Variants in NOL4L observed in about 807,000 individuals in gnomAD.
The protein encoded by NOL4L is nucleolar protein 4 like, also known as nucleolar protein 4-like.
A neutral mutation model predicts 64.5 loss-of-function variants in NOL4L; 7 were observed. The ratio of observed to expected loss-of-function variants is 0.11; its 90% CI spans 0.06 to 0.20. The LOEUF (loss-of-function observed/expected upper bound fraction) is 0.20, where lower values mean the gene tolerates loss of function less well. Ranked by LOEUF, NOL4L falls within the 10% of genes least tolerant of loss-of-function variation. The pLI, the probability that NOL4L is intolerant of heterozygous loss-of-function variation, is 1.00. For synonymous variants in NOL4L, 413 were observed against 401.0 expected (o/e 1.03, Z -0.36); for missense variants, 680 against 967.1 (o/e 0.70, Z 3.94).
intron 3 of NOL4L, among the ~76,000 whole-genome samples, chr20:32,514,486 G>A (rs1209387872): frequency 2.6e-5 from 4 of 151,014 alleles, no homozygotes; most frequent in Non-Finnish European, 4.4e-5. Flanking sequence ...GCAAGACTCC[G>A]TCCCAAGGAA....
At chr20:32,543,057 A>T (rs964104133) in intron 1 of NOL4L, among the ~76,000 whole-genome samples, 4 of 152,096 alleles carry the variant, frequency 2.6e-5, no homozygotes, top group African/African-American at 9.7e-5. Context: ...GATCATTACC[A>T]TGTCGAGTGT....
intron 3 of NOL4L, among the ~76,000 whole-genome samples, chr20:32,517,147 T>C (rs910889): frequency 0.3 from 46,149 of 151,862 alleles, 8,086 homozygotes; most frequent in East Asian, 0.77. Context: ...GCTGTCCAGG[T>C]CCCCCCCACT....
intron 1 of NOL4L, among the ~76,000 whole-genome samples, chr20:32,578,792 T>C (rs1980290906): frequency 6.6e-6 from 1 of 152,164 alleles, no homozygotes; most frequent in Non-Finnish European, 1.5e-5. Context: ...ATTAAACAGT[T>C]GAGTTAGGAC....
At chr20:32,577,898 G>A (rs1980213431) in intron 1 of NOL4L, among the ~76,000 whole-genome samples, 1 of 151,956 alleles carries the variant, frequency 6.6e-6, no homozygotes, top group South Asian at 2.1e-4. Flanking sequence ...TTTTCCAGAT[G>A]AGGAATATTG....
Position 32,452,222 on chromosome 20 carries a change from C to G in NOL4L, c.1822+14G>C. ...CTGGTCGGGAAGCCAGAGCCCAGGC[C>G]TCCCCCGACTCACCATTACTGTGGT... On this transcript the variant is annotated intron_variant, in intron 10 of 10. Transcript: ENST00000621426. The G allele has an allele frequency of 6.6e-7, 1 of 1,512,120 alleles. No homozygotes were observed. Among genetic ancestry groups the G allele is most frequent in the Non-Finnish European group, 8.9e-7 (1 of 1,125,190 alleles). The allele number at this position is 1,512,120 out of a possible 1,614,324, so 93.7% of individuals were successfully genotyped here. A position where few individuals can be genotyped will look rare whatever the true frequency, so the allele number is the denominator to read the frequency against.
At chr20:32,570,311 C>G (rs922632512) in intron 1 of NOL4L, among the ~76,000 whole-genome samples, 1 of 152,164 alleles carries the variant, frequency 6.6e-6, no homozygotes, top group Non-Finnish European at 1.5e-5. Flanking sequence ...TGATGAACAA[C>G]CCCAATCCTC....
chr20:32,500,784 A>G (rs1378576717), intron 4 of NOL4L, among the ~76,000 whole-genome samples: 5 of 152,186 alleles, frequency 3.3e-5, no homozygotes, highest in African/African-American at 1.2e-4. Context: ...CCAATGAGGT[A>G]TGGCAAAAGA....
rs1417829777 is a variant in NOL4L at position 32,558,830 on chromosome 20, C to T, written c.321+25740G>A. Among the ~76,000 whole-genome samples the T allele has an allele frequency of 2.0e-4, 31 of 152,256 alleles. 1 individual carries two copies. Among genetic ancestry groups the T allele is most frequent in the Middle Eastern group, 3.4e-3 (1 of 294 alleles). ...AACTGATGATGTGTGATTTACGTTT[C>T]GGAAGATCGCTCTGGCTGCTGGATG... On this transcript the variant is annotated intron_variant, in intron 1 of 10. Transcript: ENST00000621426.
chr20:32,542,376 C>G (rs936075155), intron 1 of NOL4L, among the ~76,000 whole-genome samples: 1 of 152,146 alleles, frequency 6.6e-6, no homozygotes, highest in Non-Finnish European at 1.5e-5. Flanking sequence ...TTTTTTGAGA[C>G]AGGGTCTCGC....
chr20:32,453,118 C>T lies in NOL4L; in HGVS notation c.1498-112G>A, dbSNP rs971533437. The T allele has an allele frequency of 1.3e-4, 194 of 1,501,020 alleles. No individual in the cohort carries two copies. Among genetic ancestry groups the T allele is most frequent in the Non-Finnish European group, 1.6e-4 (175 of 1,105,130 alleles). The allele number at this position is 1,501,020 out of a possible 1,614,324, so 93.0% of individuals were successfully genotyped here. ...CAGGGTGGGGTTTGGGCTCCAGCGC[C>T]TCAGTCTATGGAGCTGTGTGATCTT... On this transcript the variant is annotated intron_variant, in intron 8 of 10. Coordinates refer to ENST00000621426, the MANE Select transcript of NOL4L (RefSeq NM_001256798.2). The surrounding 1 kb of genome is among the most constrained non-coding windows in gnomAD (Gnocchi z 5.6).
At chr20:32,473,704 C>T (rs1021055902) in intron 5 of NOL4L, among the ~76,000 whole-genome samples, 33 of 152,178 alleles carry the variant, frequency 2.2e-4, no homozygotes, top group African/African-American at 7.7e-4. Context: ...TCACAGAGTT[C>T]ACATTACACC....
intron 4 of NOL4L, among the ~76,000 whole-genome samples, chr20:32,476,825 C>T (rs1057178827): frequency 6.6e-6 from 1 of 152,228 alleles, no homozygotes; most frequent in African/African-American, 2.4e-5. Context: ...GACCTGTTTG[C>T]CAGGGCAGCC....
chr20:32,581,075 C>T (rs989733542), intron 1 of NOL4L, among the ~76,000 whole-genome samples: 6 of 152,218 alleles, frequency 3.9e-5, no homozygotes, highest in Non-Finnish European at 7.3e-5. Flanking sequence ...AGGCTTCACC[C>T]GGCCAGGAGG....
intron 4 of NOL4L, among the ~76,000 whole-genome samples, chr20:32,492,691 C>T (rs528139266): frequency 2.0e-5 from 3 of 152,294 alleles, no homozygotes; most frequent in East Asian, 3.9e-4. Flanking sequence ...CTGTGCTGGG[C>T]AGTGTGTATG....
In NOL4L at chr20:32,573,326, T is replaced by A. The variant is rs142141334; in HGVS notation, c.321+11244A>T. On this transcript the variant is annotated intron_variant, in intron 1 of 10. Transcript: ENST00000621426. ...AATACTGTGCCTGGCCTGGGTCCAT[T>A]TTACAGATGAGAAAACTGTGGCTCA... Among the ~76,000 whole-genome samples the A allele has an allele frequency of 1.6e-3, 240 of 152,242 alleles. 1 individual carries two copies. Among genetic ancestry groups the A allele is most frequent in the East Asian group, 5.6e-3 (29 of 5,186 alleles).
chr20:32,525,461 G>C (rs1476354925), intron 2 of NOL4L, among the ~76,000 whole-genome samples: 1 of 152,240 alleles, frequency 6.6e-6, no homozygotes, highest in Non-Finnish European at 1.5e-5. Flanking sequence ...GGCAGGTTAT[G>C]TGTTTCTCTG....
chr20:32,543,100 AG>A (rs1258012969), intron 1 of NOL4L, among the ~76,000 whole-genome samples: 1 of 152,176 alleles, frequency 6.6e-6, no homozygotes, highest in Non-Finnish European at 1.5e-5. Context: ...GCTCGCGGGA[AG>A]CCACCACGGA....
intron 4 of NOL4L, among the ~76,000 whole-genome samples, chr20:32,501,825 C>T (rs2016933616): frequency 6.6e-6 from 1 of 152,044 alleles, no homozygotes; most frequent in Admixed American, 6.6e-5. Flanking sequence ...ACAACACACA[C>T]AGCATAGGCA....
chr20:32,453,361 C>T lies in NOL4L; in HGVS notation c.1440G>A (p.Lys480=). 1.2e-6 allele frequency: 2 copies of T among 1,614,114 alleles called. No homozygotes were observed. Among genetic ancestry groups the T allele is most frequent in the African/African-American group, 2.7e-5 (2 of 75,040 alleles). ...AGGACTTGAGGTACGTGCGGATGCG[C>T]TTGCGGGCCCGCTCCTGGAACTCAG... is the stretch of plus-strand genomic sequence containing the variant. ...QFPEFQERAR[K]RIRTYLKSCR... The change falls in exon 8 of 11, where the codon AAG becomes AAA. Residue 480 remains lysine (K), a synonymous_variant. Transcript: ENST00000621426. This position sits in a 1 kb window ranked among gnomAD's most constrained non-coding sequence, Gnocchi z 5.6.
Sources: allele counts gnomAD v4.1 joint callset (sites outside exome capture counted in the v4.1 genomes callset), GRCh38; gene constraint gnomAD v4.1.1; non-coding constraint Gnocchi (gnomAD v3.1); transcripts MANE v1.5; gene names NCBI Gene and HGNC (gene_info 2026-07-23, HGNC 2026-07-21).